Variants in MACROD2 observed in about 807,000 individuals in gnomAD.
The protein encoded by MACROD2 is ADP-ribose glycohydrolase MACROD2.
In MACROD2, 36 loss-of-function variants were observed where a neutral mutation model predicts 70.4. The observed-to-expected ratio is 0.51, with a 90% CI of 0.39 to 0.68. MACROD2 has a LOEUF of 0.68. Among genes scored for constraint, MACROD2 ranks in the 30% least tolerant of loss-of-function variants. The pLI is 0.00. For missense variants in MACROD2, 496 were observed against 538.4 expected (o/e 0.92, Z 0.78); for synonymous variants, 172 against 178.8 (o/e 0.96, Z 0.30).
intron 2 of MACROD2, among the ~76,000 whole-genome samples, chr20:14,028,438 T>A (rs1440024705): frequency 6.6e-6 from 1 of 152,070 alleles, no homozygotes; most frequent in Non-Finnish European, 1.5e-5. Flanking sequence ...AACAGTACGG[T>A]CTTGCTGGCG....
intron 5 of MACROD2, among the ~76,000 whole-genome samples, chr20:14,961,323 T>G (rs1160443550): frequency 6.6e-6 from 1 of 152,118 alleles, no homozygotes; most frequent in Non-Finnish European, 1.5e-5. Flanking sequence ...ACTGAAGAAA[T>G]TGAGAACCAG....
chr20:14,049,855 A>G (rs371749332), intron 2 of MACROD2, among the ~76,000 whole-genome samples: 2 of 151,740 alleles, frequency 1.3e-5, no homozygotes, highest in African/African-American at 4.8e-5. Flanking sequence ...AGGCCGAGGC[A>G]GGCAGATCAC....
chr20:14,530,052 A>T (rs865949779), intron 4 of MACROD2, among the ~76,000 whole-genome samples: 1 of 152,184 alleles, frequency 6.6e-6, no homozygotes, highest in Non-Finnish European at 1.5e-5. Context: ...ACCGAAGCTC[A>T]TTGCCATAGG....
chr20:14,217,796 A>G (rs956234335), intron 3 of MACROD2, among the ~76,000 whole-genome samples: 1 of 152,136 alleles, frequency 6.6e-6, no homozygotes, highest in African/African-American at 2.4e-5. Flanking sequence ...TTATGTGTGT[A>G]AAGGTGTTCA....
At chr20:14,898,557 T>C (rs573574106) in intron 5 of MACROD2, among the ~76,000 whole-genome samples, 2 of 152,134 alleles carry the variant, frequency 1.3e-5, no homozygotes, top group South Asian at 4.2e-4. Context: ...TGAAACCCCG[T>C]CTCTACAAAA....
At chr20:15,901,058 A>G (rs1470483806) in intron 10 of MACROD2, among the ~76,000 whole-genome samples, 1 of 152,152 alleles carries the variant, frequency 6.6e-6, no homozygotes, top group South Asian at 2.1e-4. Flanking sequence ...ATTCCTTTTA[A>G]TGTGAACAAA....
In MACROD2 at chr20:15,923,736, G is replaced by GAGCTTTCCTGTGCTCTAAA. The variant is rs1417320361; in HGVS notation, c.776-9539_776-9538insGCTTTCCTGTGCTCTAAAA. On this transcript the variant is annotated intron_variant, in intron 10 of 17. Transcript: ENST00000684519. ...TTTAGAAGGAAAGCAGGAGATCTTA[G>GAGCTTTCCTGTGCTCTAAA]ACAAGAGCTTCCTGTGCCTAAAATT... 3.7e-3 allele frequency among the ~76,000 whole-genome samples: 559 copies of GAGCTTTCCTGTGCTCTAAA among 152,290 alleles called. 2 individuals are homozygous for GAGCTTTCCTGTGCTCTAAA. The highest frequency in any genetic ancestry group is 0.013 in the African/African-American group (536 of 41,542).
intron 4 of MACROD2, among the ~76,000 whole-genome samples, chr20:14,647,463 C>CT (rs752351468): frequency 3.3e-5 from 5 of 152,084 alleles, no homozygotes; most frequent in Non-Finnish European, 5.9e-5. Flanking sequence ...AAAAATAATA[C>CT]TAACTGAGCA....
At position 14,306,997 on chromosome 20, in the gene MACROD2, C is replaced by T. The variant is rs139479035; in HGVS notation, c.272-186482C>T. Among the ~76,000 whole-genome samples, 130 of 137,900 alleles carry T rather than the reference C, an allele frequency of 9.4e-4. No homozygotes were observed. The South Asian group carries it at 0.015, about 16-fold the overall frequency. The allele number at this position is 137,900 out of a possible 152,430, so 90.5% of individuals were successfully genotyped here. ...ATTCTATACGCCTCAAAGTGTGAAC[C>T]GTGGACTAAATGTAAACACACACAC... On this transcript the variant is annotated intron_variant, in intron 3 of 17. Coordinates refer to ENST00000684519, the MANE Select transcript of MACROD2 (RefSeq NM_001351661.2).
At chr20:14,328,849 C>A in intron 3 of MACROD2, 1 of 151,980 alleles carries the variant, frequency 6.6e-6, no homozygotes, top group Admixed American at 6.6e-5. Flanking sequence ...GGACACATGG[C>A]TTCCTATGTA....
At chr20:14,595,914 A>G (rs1982096923) in intron 4 of MACROD2, among the ~76,000 whole-genome samples, 1 of 152,160 alleles carries the variant, frequency 6.6e-6, no homozygotes, top group South Asian at 2.1e-4. Flanking sequence ...AAATGGTCCC[A>G]ATAACGAGGA....
At chr20:15,492,477 A>G (rs1339765743) in intron 7 of MACROD2, among the ~76,000 whole-genome samples, 1 of 152,146 alleles carries the variant, frequency 6.6e-6, no homozygotes, top group African/African-American at 2.4e-5. Flanking sequence ...TGAGCTTGAA[A>G]AGTATACTGT....
chr20:15,529,517 G>A (rs961706791), intron 8 of MACROD2, among the ~76,000 whole-genome samples: 2 of 151,870 alleles, frequency 1.3e-5, no homozygotes, highest in Non-Finnish European at 2.9e-5. Context: ...TAGAAGGGTA[G>A]GAAATAACCA....
Position 14,871,049 on chromosome 20 carries a change from A to G in MACROD2, c.418+186090A>G, listed in dbSNP as rs192040023. On this transcript the variant is annotated intron_variant, in intron 5 of 17. Transcript: ENST00000684519. ...TTCCTATGTCCTGAATGGTACTGGT[A>G]TACTTGAAAGAGATAGGGGGAATGG... Among the ~76,000 whole-genome samples the G allele has an allele frequency of 4.0e-3, 603 of 152,164 alleles. 3 individuals are homozygous for G. The highest frequency in any genetic ancestry group is 6.6e-3 in the Non-Finnish European group (449 of 67,950).
chr20:14,616,138 G>T (rs1413765776), intron 4 of MACROD2, among the ~76,000 whole-genome samples: 1 of 152,066 alleles, frequency 6.6e-6, no homozygotes, highest in Admixed American at 6.6e-5. Flanking sequence ...TACTATCTGG[G>T]ACTTTCTTGG....
chr20:14,551,214 G>T (rs1297162016), intron 4 of MACROD2, among the ~76,000 whole-genome samples: 2 of 152,092 alleles, frequency 1.3e-5, no homozygotes, highest in Non-Finnish European at 2.9e-5. Flanking sequence ...CTAGGAATTG[G>T]ATCCAAAATG....
chr20:15,690,702 T>A (rs1429604318), intron 8 of MACROD2, among the ~76,000 whole-genome samples: 1 of 152,138 alleles, frequency 6.6e-6, no homozygotes, highest in Non-Finnish European at 1.5e-5. Context: ...CCTGAATAAG[T>A]GGAATGTTCT....
intron 3 of MACROD2, among the ~76,000 whole-genome samples, chr20:14,252,614 G>GAAC (rs1312267580): frequency 6.6e-6 from 1 of 151,864 alleles, no homozygotes; most frequent in East Asian, 1.9e-4. Context: ...TGAACTCCTA[G>GAAC]AACAGAATCT....
chr20:15,639,916 G>C (rs1187007047), intron 8 of MACROD2, among the ~76,000 whole-genome samples: 1 of 151,100 alleles, frequency 6.6e-6, no homozygotes, highest in Non-Finnish European at 1.5e-5. Flanking sequence ...AGGGAGAGAA[G>C]GAGAGAAAGA....
Sources: gnomAD v4.1 joint callset for allele counts (sites outside exome capture counted in the v4.1 genomes callset) on GRCh38, gnomAD v4.1.1 for gene constraint, MANE v1.5 for transcripts, NCBI Gene and HGNC (gene_info 2026-07-23, HGNC 2026-07-21) for gene names.